Variants in TMPRSS15 observed in about 807,000 individuals in gnomAD.
TMPRSS15 encodes transmembrane serine protease 15.
Under a neutral mutation model 125.3 loss-of-function variants are expected in TMPRSS15, and 128 were observed. That is an observed-to-expected ratio of 1.02 (90% CI 0.89 to 1.18). The LOEUF (loss-of-function observed/expected upper bound fraction) is 1.18. Among genes scored for constraint, TMPRSS15 ranks in the 50% most tolerant of loss-of-function variants. TMPRSS15 has a pLI of 0.00. For synonymous variants in TMPRSS15, 446 were observed against 423.2 expected (o/e 1.05, Z -0.66); for missense variants, 1,283 against 1,212.7 (o/e 1.06, Z -0.86).
chr21:18,289,539 A>G (rs1358483776), intron 21 of TMPRSS15, among the ~76,000 whole-genome samples: 1 of 152,240 alleles, frequency 6.6e-6, no homozygotes, highest in African/African-American at 2.4e-5. Flanking sequence ...AAGTATAAAT[A>G]GTAGTCTGTA....
chr21:18,324,380 G>C (rs745721152), intron 16 of TMPRSS15, among the ~76,000 whole-genome samples: 1 of 152,108 alleles, frequency 6.6e-6, no homozygotes, highest in Non-Finnish European at 1.5e-5. Flanking sequence ...CTGCACAAGA[G>C]GTTTTGAATT....
chr21:18,307,588 T>TAA (rs1280776357), intron 18 of TMPRSS15, among the ~76,000 whole-genome samples: 2 of 152,214 alleles, frequency 1.3e-5, no homozygotes, highest in African/African-American at 4.8e-5. Context: ...CATAAGCATG[T>TAA]AAAGCCATGT....
intron 21 of TMPRSS15, among the ~76,000 whole-genome samples, chr21:18,281,924 C>T (rs576914893): frequency 2.0e-5 from 3 of 151,584 alleles, no homozygotes; most frequent in Non-Finnish European, 2.9e-5. Context: ...GGTGAAACCC[C>T]GTCTCTACTA....
In TMPRSS15 at chr21:18,315,392, T is replaced by C. The variant is rs144363802; in HGVS notation, c.1922-136A>G. 1.5e-3 allele frequency: 1,011 copies of C among 690,590 alleles called. 6 individuals are homozygous for C. Among genetic ancestry groups the C allele is most frequent in the Admixed American group, 6.4e-3 (284 of 44,636 alleles). The allele number at this position is 690,590 out of a possible 1,614,324, so 42.8% of individuals were successfully genotyped here. The stretch of plus-strand genomic sequence containing the variant: ...AGGTGGAACCAGCTTTGATACTGAG[T>C]AAATGAGAGTTAATGGGTGCAGCAC... On this transcript the variant is annotated intron_variant, in intron 16 of 24. Transcript: ENST00000284885.
chr21:18,441,668 ATTATTATTATT>A (rs2076242246), intron 1 of TMPRSS15, among the ~76,000 whole-genome samples: 2 of 47,302 alleles, frequency 4.2e-5, no homozygotes, highest in Non-Finnish European at 1.0e-4. Flanking sequence ...ACACATTATT[ATTATTATTATT>A]ATTATTATTA....
upstream of TMPRSS15, among the ~76,000 whole-genome samples, chr21:18,406,055 G>T (rs2076150893): frequency 6.6e-6 from 1 of 151,958 alleles, no homozygotes; most frequent in East Asian, 1.9e-4. Context: ...ATTTTGGTAT[G>T]AGGTACTTAC....
At chr21:18,377,189 T>C (rs2039251) in intron 5 of TMPRSS15, among the ~76,000 whole-genome samples, 17,528 of 152,108 alleles carry the variant, frequency 0.12, 1,091 homozygotes, top group African/African-American at 0.15. Flanking sequence ...TACCTTATAA[T>C]AATAGTTTGA....
upstream of TMPRSS15, among the ~76,000 whole-genome samples, chr21:18,407,994 A>G (rs1421214063): frequency 6.6e-6 from 1 of 152,130 alleles, no homozygotes; most frequent in Non-Finnish European, 1.5e-5. Context: ...GTAGAAAGAG[A>G]CTTGAGGATA....
intron 8 of TMPRSS15, among the ~76,000 whole-genome samples, chr21:18,357,870 GA>G (rs978157064): frequency 2.0e-5 from 3 of 151,508 alleles, no homozygotes; most frequent in African/African-American, 7.3e-5. Context: ...AGTTTTCTTA[GA>G]AAAAATTAGA....
rs1314474490 is a variant in TMPRSS15, at chr21:18,353,836, G to A, written c.908C>T (p.Thr303Ile). 3.1e-6 allele frequency: 5 copies of A among 1,611,254 alleles called. No individual in the cohort carries two copies. Among genetic ancestry groups the A allele is most frequent in the Middle Eastern group, 1.7e-4 (1 of 6,056 alleles). The change falls in exon 9 of 25, where the codon ACA becomes ATA. Residue 303 changes from threonine (T) to isoleucine (I), a missense_variant. Coordinates refer to ENST00000284885, the MANE Select transcript of TMPRSS15 (RefSeq NM_002772.3). The stretch of plus-strand genomic sequence containing the variant: ...AACTTGGTTGGAAAAAATTCTTATT[G>A]TGCCAGGATTAGTTTCCCAAATAGA... ...RASIWETNPG[T>I]IRIFSNQVTA...
chr21:18,343,946 A>G lies in TMPRSS15; in HGVS notation c.1277+9T>C. On this transcript the variant is annotated intron_variant, in intron 11 of 24. Transcript: ENST00000284885. ...AAAGACAGCGTTTAAACAGGTGTCT[A>G]CAACATACCAGAAACTAAGGCAAGC... 4.3e-6 allele frequency: 7 copies of G among 1,612,286 alleles called. No homozygotes were observed. Among genetic ancestry groups the G allele is most frequent in the Non-Finnish European group, 5.9e-6 (7 of 1,178,300 alleles).
intron 1 of TMPRSS15, among the ~76,000 whole-genome samples, chr21:18,461,879 T>C (rs2122952846): frequency 2.6e-5 from 4 of 152,110 alleles, no homozygotes; most frequent in Non-Finnish European, 5.9e-5. Context: ...TCTTCCTTTA[T>C]GGGAGGAGGA....
At chr21:18,372,517 C>T (rs1178516649) in intron 5 of TMPRSS15, among the ~76,000 whole-genome samples, 193 bp from the exon 6 acceptor site, 1 of 152,016 alleles carries the variant, frequency 6.6e-6, no homozygotes, top group Non-Finnish European at 1.5e-5. Context: ...TCATGTGGGG[C>T]AATTTTGGAA....
At chr21:18,464,690 C>A (rs1325568891) in intron 1 of TMPRSS15, among the ~76,000 whole-genome samples, 1 of 152,114 alleles carries the variant, frequency 6.6e-6, no homozygotes, top group African/African-American at 2.4e-5. Flanking sequence ...GACACATACA[C>A]CCCTGCAAGA....
intron 13 of TMPRSS15, among the ~76,000 whole-genome samples, chr21:18,334,782 G>A (rs1049762481): frequency 5.9e-5 from 9 of 152,140 alleles, no homozygotes; most frequent in African/African-American, 2.2e-4. Context: ...CTCCTATTGG[G>A]TTGATTAAAC....
rs34604020 is a variant in TMPRSS15, at chr21:18,472,455, T to TTATATA, written c.10+13338_10+13343dup. On this transcript the variant is annotated intron_variant, in intron 1 of 7. Coordinates refer to the TMPRSS15 transcript ENST00000422787. ...GGGTGCAAATTTAAAGCTAAAAGAA[T>TTATATA]TATATATATATATATATATATATAT... Among the ~76,000 whole-genome samples the TTATATA allele has an allele frequency of 6.3e-3, 909 of 143,162 alleles. 9 individuals carry two copies. The highest frequency in any genetic ancestry group is 0.023 in the African/African-American group (861 of 37,916). 93.9% of individuals were successfully genotyped at this position (143,162 alleles called of 152,430 possible). A position where few individuals can be genotyped will look rare whatever the true frequency, so the allele number is the denominator to read the frequency against.
At chr21:18,377,069 A>C (rs2075851727) in intron 5 of TMPRSS15, among the ~76,000 whole-genome samples, 1 of 152,108 alleles carries the variant, frequency 6.6e-6, no homozygotes, top group Admixed American at 6.6e-5. Flanking sequence ...CCTTCTATAA[A>C]TACATAGTAT....
intron 16 of TMPRSS15, 138 bp downstream of exon 16, chr21:18,326,294 T>C: frequency 1.5e-6 from 2 of 1,301,278 alleles, no homozygotes; most frequent in Non-Finnish European, 2.2e-6. Flanking sequence ...GGAGGAAAAA[T>C]CATCTTCATT....
chr21:18,389,070 G>A (rs948183542), intron 3 of TMPRSS15, among the ~76,000 whole-genome samples: 8 of 120,894 alleles, frequency 6.6e-5, no homozygotes, highest in African/African-American at 2.5e-4. Flanking sequence ...AGGAAATAAA[G>A]AAAATAAAGA....
Sources: allele counts gnomAD v4.1 joint callset (sites outside exome capture counted in the v4.1 genomes callset), GRCh38; gene constraint gnomAD v4.1.1; transcripts MANE v1.5; gene names NCBI Gene and HGNC (gene_info 2026-07-23, HGNC 2026-07-21).